Variants in CEP128 observed in about 807,000 individuals in gnomAD.
CEP128 encodes centrosomal protein 128.
CEP128 carries 132 observed loss-of-function variants against 156.7 expected under a neutral mutation model. That is an observed-to-expected ratio of 0.84 (90% CI 0.73 to 0.97). The LOEUF (loss-of-function observed/expected upper bound fraction) is 0.97. CEP128 is among the 50% of genes least tolerant of loss of function. The probability of loss-of-function intolerance (pLI) is 0.00; values close to 1 mark genes in which losing one functional copy is unlikely to be tolerated. For missense variants in CEP128, 1,252 were observed against 1,281.9 expected, an observed-to-expected ratio of 0.98 and a Z score of 0.36; for synonymous variants, 469 against 448.9, an observed-to-expected ratio of 1.04 and a Z score of -0.57.
intron 15 of CEP128, among the ~76,000 whole-genome samples, chr14:80,780,007 T>C (rs537543361): frequency 1.5e-4 from 23 of 152,302 alleles, no homozygotes; most frequent in African/African-American, 4.8e-4. Flanking sequence ...CAAAATGATT[T>C]TGTTGAAATT....
At chr14:80,782,890 T>C (rs1901200253) in intron 15 of CEP128, among the ~76,000 whole-genome samples, 1 of 152,226 alleles carries the variant, frequency 6.6e-6, no homozygotes, top group Non-Finnish European at 1.5e-5. Flanking sequence ...TCCTGTCATA[T>C]GGCCTTTTAT....
chr14:80,793,163 G>T, intron 13 of CEP128, 53 bp from the exon 14 acceptor site: 1 of 1,373,864 alleles, frequency 7.3e-7, no homozygotes, highest in Non-Finnish European at 1.0e-6. Flanking sequence ...AAAATTGGAT[G>T]TGTAGCATAT....
intron 21 of CEP128, among the ~76,000 whole-genome samples, chr14:80,544,850 T>C (rs565631745): frequency 1.3e-5 from 2 of 152,322 alleles, no homozygotes; most frequent in Admixed American, 6.5e-5. Flanking sequence ...AGATCTATTA[T>C]GTATCTGCAA....
intron 2 of CEP128, among the ~76,000 whole-genome samples, chr14:80,923,322 T>C (rs1293087951): frequency 2.6e-5 from 4 of 152,212 alleles, no homozygotes; most frequent in Admixed American, 6.5e-5. Flanking sequence ...AGAGTAAAAC[T>C]GAATTCAACC....
At chr14:80,656,483 G>A (rs1243612602) in intron 19 of CEP128, among the ~76,000 whole-genome samples, 1 of 150,770 alleles carries the variant, frequency 6.6e-6, no homozygotes, top group Non-Finnish European at 1.5e-5. Context: ...TGAGAGCCGT[G>A]AGTAAAAACA....
chr14:80,714,262 A>T (rs74460341), intron 19 of CEP128, among the ~76,000 whole-genome samples: 2,307 of 152,138 alleles, frequency 0.015, 68 homozygotes, highest in African/African-American at 0.053. Context: ...AAATTTCCTC[A>T]TGAGTCCATA....
intron 17 of CEP128, among the ~76,000 whole-genome samples, chr14:80,757,580 G>C (rs533516240): frequency 1.2e-4 from 19 of 152,306 alleles, no homozygotes; most frequent in Non-Finnish European, 2.5e-4. Context: ...TGTATTCAAA[G>C]TTGGCAATGA....
At chr14:80,735,189 A>G (rs575756151) in intron 19 of CEP128, among the ~76,000 whole-genome samples, 6 of 152,158 alleles carry the variant, frequency 3.9e-5, no homozygotes, top group Non-Finnish European at 8.8e-5. Context: ...CTATAGTACA[A>G]GTCAAAATAA....
chr14:80,751,334 TATC>T (rs1329276975), intron 18 of CEP128, among the ~76,000 whole-genome samples: 2 of 152,298 alleles, frequency 1.3e-5, no homozygotes, highest in African/African-American at 4.8e-5. Flanking sequence ...CAAAATAAAA[TATC>T]AACCTATGGA....
chr14:80,755,776 A>G (rs1207499496), intron 18 of CEP128, among the ~76,000 whole-genome samples: 2 of 152,150 alleles, frequency 1.3e-5, no homozygotes, highest in African/African-American at 4.8e-5. Context: ...AACCTAACCC[A>G]TCTTTCTAGC....
chr14:80,494,976 C>T (rs755965505), downstream of CEP128, among the ~76,000 whole-genome samples: 3 of 152,128 alleles, frequency 2.0e-5, no homozygotes, highest in Non-Finnish European at 4.4e-5. Context: ...CAGATTTCTC[C>T]CAGCTGTGTT....
chr14:80,791,173 T>C (rs1352404337), intron 14 of CEP128, among the ~76,000 whole-genome samples: 1 of 152,190 alleles, frequency 6.6e-6, no homozygotes, highest in East Asian at 1.9e-4. Flanking sequence ...ACTGAGCACA[T>C]TTCTTACTCT....
chr14:80,850,598 A>C (rs1464252014), intron 9 of CEP128, among the ~76,000 whole-genome samples: 1 of 152,220 alleles, frequency 6.6e-6, no homozygotes, highest in Non-Finnish European at 1.5e-5. Flanking sequence ...CTTTCTGTCC[A>C]TTATTTGCAG....
At chr14:80,900,633 C>G (rs1053403720) in intron 6 of CEP128, among the ~76,000 whole-genome samples, 1 of 151,980 alleles carries the variant, frequency 6.6e-6, no homozygotes, top group Admixed American at 6.6e-5. Context: ...CAAATGTACA[C>G]CAAGATAAAT....
intron 20 of CEP128, among the ~76,000 whole-genome samples, chr14:80,563,255 T>C (rs1488583471): frequency 6.6e-6 from 1 of 151,992 alleles, no homozygotes. Context: ...AAAGTAAGCA[T>C]TGCTAGAACA....
intron 19 of CEP128, among the ~76,000 whole-genome samples, chr14:80,676,259 T>C (rs1896055433): frequency 6.6e-6 from 1 of 152,130 alleles, no homozygotes. Flanking sequence ...TTTGTGTAGG[T>C]ACACATTACA....
Position 80,656,279 on chromosome 14 carries a change from T to TA in CEP128, c.2807-75857_2807-75856insT, listed in dbSNP as rs1895140152. The stretch of plus-strand genomic sequence containing the variant: ...TTTCTCAATAAACCTAAGTTTTTAT[T>TA]TATATATATATTTATATATATATAT... On this transcript the variant is annotated intron_variant, in intron 19 of 24. Transcript: ENST00000555265. Among the ~76,000 whole-genome samples the TA allele has an allele frequency of 4.7e-4, 22 of 47,106 alleles. 5 individuals carry two copies. The highest frequency in any genetic ancestry group is 8.1e-4 in the Non-Finnish European group (20 of 24,818). The allele number at this position is 47,106 out of a possible 152,430, so 30.9% of individuals were successfully genotyped here.
chr14:80,618,098 T>C (rs543199190), intron 19 of CEP128, among the ~76,000 whole-genome samples: 3 of 152,356 alleles, frequency 2.0e-5, no homozygotes, highest in African/African-American at 7.2e-5. Context: ...TTCCATTCTG[T>C]AACATGCAAT....
chr14:80,955,956 G>A (rs997843148), intron 2 of CEP128: 1 of 1,378,742 alleles, frequency 7.3e-7, no homozygotes, highest in Admixed American at 1.7e-5. Context: ...AGTAGTGTGT[G>A]AGTGTGTGTA....
Sources: allele counts gnomAD v4.1 joint callset (sites outside exome capture counted in the v4.1 genomes callset), GRCh38; gene constraint gnomAD v4.1.1; transcripts MANE v1.5; gene names NCBI Gene and HGNC (gene_info 2026-07-23, HGNC 2026-07-21).